Variants in PCNX1 observed in about 807,000 individuals in gnomAD.
PCNX1 encodes pecanex-like protein 1.
In PCNX1, 78 loss-of-function variants were observed where a neutral mutation model predicts 242.2. That is an observed-to-expected ratio of 0.32 (90% CI 0.27 to 0.39). The LOEUF (loss-of-function observed/expected upper bound fraction) is 0.39. Among genes scored for constraint, PCNX1 ranks in the 10% least tolerant of loss-of-function variants. The pLI, the probability that PCNX1 is intolerant of heterozygous loss-of-function variation, is 1.00. For synonymous variants in PCNX1, 1,024 were observed against 1,032.9 expected, an observed-to-expected ratio of 0.99 and a Z score of 0.17; for missense variants, 2,581 against 2,856.5, an observed-to-expected ratio of 0.90 and a Z score of 2.20.
At chr14:71,025,382 T>C (rs2060213045) in intron 13 of PCNX1, among the ~76,000 whole-genome samples, 3 of 152,188 alleles carry the variant, frequency 2.0e-5, no homozygotes, top group Admixed American at 6.5e-5. Flanking sequence ...GGTCATCTTA[T>C]ACTTTCCCTG....
In PCNX1 at chr14:71,019,063, C is replaced by A; in HGVS notation, c.3051C>A (p.Ala1017=). The change falls in exon 12 of 36, where the codon GCC becomes GCA. Residue 1017 remains alanine, a synonymous_variant. Transcript: ENST00000304743. ...CTGTCATCCTGGCTATTCTCGTGGCCTTTTTGGGATCTATTCTTCTCATAC... is the reference window on the plus strand; with the variant it reads ...CTGTCATCCTGGCTATTCTCGTGGCATTTTTGGGATCTATTCTTCTCATAC... The part of the protein sequence containing the change: ...VLAVILAILV[A]FLGSILLIQG... 1 of 1,613,086 alleles carries A rather than the reference C, an allele frequency of 6.2e-7. No individual in the cohort carries two copies. The highest frequency in any genetic ancestry group is 8.5e-7 in the Non-Finnish European group (1 of 1,179,534).
intron 25 of PCNX1, among the ~76,000 whole-genome samples, chr14:71,056,774 G>A (rs2061193197): frequency 6.6e-6 from 1 of 151,914 alleles, no homozygotes. Context: ...CACCTCCCAA[G>A]TTCAAGCAAT....
intron 18 of PCNX1, 79 bp downstream of exon 18, chr14:71,034,115 A>T: frequency 1.3e-6 from 1 of 749,022 alleles, no homozygotes; most frequent in Non-Finnish European, 2.3e-6. Context: ...ACACTTTTTG[A>T]AAGTCATTAG....
rs551636103 is a variant in PCNX1 at position 71,070,156 on chromosome 14, G to A, written c.4853-3389G>A. Reference sequence around the variant, plus strand: ...GCGTCAGCTCTTTACGTTTTATCAGGATATTATAGCAATTCTGCCACATCC... The same window carrying A: ...GCGTCAGCTCTTTACGTTTTATCAGAATATTATAGCAATTCTGCCACATCC... On this transcript the variant is annotated intron_variant, in intron 26 of 35. Coordinates refer to ENST00000304743, the MANE Select transcript of PCNX1 (RefSeq NM_014982.3). Among the ~76,000 whole-genome samples, 4 of 152,224 alleles carry A rather than the reference G, an allele frequency of 2.6e-5. No homozygotes were observed. The South Asian group carries it at 6.2e-4, about 24-fold the overall frequency.
At chr14:70,991,088 G>A (rs1429961632) in intron 7 of PCNX1, among the ~76,000 whole-genome samples, 1 of 151,910 alleles carries the variant, frequency 6.6e-6, no homozygotes, top group Non-Finnish European at 1.5e-5. Flanking sequence ...CTACTAGGTG[G>A]AATATTAAAG....
At chr14:71,093,371 AATTCAAGAGGT>A (rs1455661388) in intron 30 of PCNX1, 1 of 152,118 alleles carries the variant, frequency 6.6e-6, no homozygotes, top group Admixed American at 6.5e-5. Context: ...CTCTTGGACA[AATTCAAGAGGT>A]ATTAAGCACC....
chr14:70,968,006 C>G (rs2058432303), intron 3 of PCNX1, among the ~76,000 whole-genome samples, 192 bp from the exon 4 acceptor site: 1 of 152,166 alleles, frequency 6.6e-6, no homozygotes, highest in Admixed American at 6.6e-5. Flanking sequence ...AAGACACACG[C>G]AGCCTGTGCC....
chr14:71,102,024 C>G lies in PCNX1; in HGVS notation c.5624C>G (p.Pro1875Arg), dbSNP rs1368510657. The change falls in exon 31 of 36, where the codon CCT becomes CGT. Residue 1875 changes from proline (P) to arginine (R), a missense_variant. Pro to Arg is a moderately radical substitution (Grantham distance 103, BLOSUM62 -2). Coordinates refer to ENST00000304743, the MANE Select transcript of PCNX1 (RefSeq NM_014982.3). ...HFTSPDEYDD[P>R]TVLYEAIVSH... ...ACTTCTCCAGATGAATATGATGACCCTACTGTGCTCTATGAAGCCATAGTA... is the reference window on the plus strand; with the variant it reads ...ACTTCTCCAGATGAATATGATGACCGTACTGTGCTCTATGAAGCCATAGTA... 1.2e-6 allele frequency: 2 copies of G among 1,611,828 alleles called. No homozygotes were observed. Among genetic ancestry groups the G allele is most frequent in the Non-Finnish European group, 1.7e-6 (2 of 1,178,094 alleles).
intron 2 of PCNX1, among the ~76,000 whole-genome samples, chr14:70,955,660 C>A (rs993353788): frequency 1.3e-5 from 2 of 152,164 alleles, no homozygotes; most frequent in Admixed American, 6.5e-5. Flanking sequence ...CACTTTGCTA[C>A]TGTGAGAATT....
intron 2 of PCNX1, among the ~76,000 whole-genome samples, chr14:70,956,070 C>G (rs533803983): frequency 1.3e-5 from 2 of 152,174 alleles, no homozygotes; most frequent in South Asian, 4.1e-4. Context: ...CTGCTGACAT[C>G]TAGTGGGTAA....
At chr14:71,027,284 G>T (rs2060266427) in intron 15 of PCNX1, 1 of 152,504 alleles carries the variant, frequency 6.6e-6, no homozygotes, top group African/African-American at 2.4e-5. Context: ...CTTCATATTT[G>T]GTTTCAGAGC....
chr14:70,950,037 T>G (rs2057715087), intron 2 of PCNX1, among the ~76,000 whole-genome samples: 1 of 152,196 alleles, frequency 6.6e-6, no homozygotes, highest in Admixed American at 6.5e-5. Context: ...CACTCCTCTC[T>G]TAAGACAGGT....
At chr14:71,052,457 C>G (rs2061064644) in intron 24 of PCNX1, among the ~76,000 whole-genome samples, 1 of 152,156 alleles carries the variant, frequency 6.6e-6, no homozygotes, top group African/African-American at 2.4e-5. Context: ...AAGTGACCCA[C>G]CCGCCTCAGC....
chr14:70,993,337 C>G (rs1475093762), intron 7 of PCNX1, among the ~76,000 whole-genome samples: 1 of 151,626 alleles, frequency 6.6e-6, no homozygotes, highest in East Asian at 1.9e-4. Context: ...CCGTGTTAAG[C>G]CAGGATGGTC....
In PCNX1 at chr14:71,066,538, A is replaced by G. The variant is rs184494030; in HGVS notation, c.4853-7007A>G. ...GACAGTGGGGTTTTCTAAATATACA[A>G]TCATGTCATCTGCAAACAGAGACAA... On this transcript the variant is annotated intron_variant, in intron 26 of 35. Transcript: ENST00000304743. Among the ~76,000 whole-genome samples, 497 of 152,354 alleles carry G rather than the reference A, an allele frequency of 3.3e-3. 1 individual carries two copies. The highest frequency in any genetic ancestry group is 0.012 in the African/African-American group (480 of 41,588).
intron 2 of PCNX1, among the ~76,000 whole-genome samples, chr14:70,950,335 TG>T (rs1355588062): frequency 6.6e-6 from 1 of 152,158 alleles, no homozygotes; most frequent in East Asian, 1.9e-4. Context: ...TTTGAAGTAG[TG>T]AAAACGATTA....
intron 28 of PCNX1, among the ~76,000 whole-genome samples, chr14:71,085,998 A>G (rs730053): frequency 7.2e-4 from 110 of 152,242 alleles, no homozygotes; most frequent in Admixed American, 2.2e-3. Context: ...CGCCCTGTTC[A>G]TTTATTTTCA....
chr14:70,999,694 G>A (rs1001135982), intron 8 of PCNX1, among the ~76,000 whole-genome samples: 7 of 152,152 alleles, frequency 4.6e-5, no homozygotes, highest in African/African-American at 1.7e-4. Context: ...GTAGTTGGCT[G>A]TAGGAGAATT....
intron 7 of PCNX1, among the ~76,000 whole-genome samples, chr14:70,994,396 G>GATATATGTGTATATAT (rs1371763584): frequency 1.8e-4 from 17 of 96,962 alleles, no homozygotes; most frequent in African/African-American, 6.2e-4. Context: ...ACAGGCTTAA[G>GATATATGTGTATATAT]ATATATATAT....
Sources: gnomAD v4.1 joint callset for allele counts (sites outside exome capture counted in the v4.1 genomes callset) on GRCh38, gnomAD v4.1.1 for gene constraint, MANE v1.5 for transcripts, NCBI Gene and HGNC (gene_info 2026-07-23, HGNC 2026-07-21) for gene names.